The following ATP2C2 variants were observed in gnomAD, a reference collection of about 807,000 sequenced individuals.
ATP2C2 encodes calcium-transporting ATPase type 2C member 2.
A neutral mutation model predicts 110.8 loss-of-function variants in ATP2C2; 171 were observed. That is an observed-to-expected ratio of 1.54 (90% CI 1.36 to 1.75). ATP2C2 has a LOEUF of 1.75. ATP2C2 is among the 40% of genes most tolerant of loss of function. The probability of loss-of-function intolerance (pLI) is 0.00; values close to 1 mark genes in which losing one functional copy is unlikely to be tolerated. For missense variants in ATP2C2, 1,963 were observed against 1,235.0 expected (o/e 1.59, Z -8.84); for synonymous variants, 804 against 508.4 (o/e 1.58, Z -7.82).
At chr16:84,400,166 G>C (rs1459365619) in intron 2 of ATP2C2, among the ~76,000 whole-genome samples, 1 of 152,068 alleles carries the variant, frequency 6.6e-6, no homozygotes, top group African/African-American at 2.4e-5. Flanking sequence ...TCATTTGTCT[G>C]TTGATGGATA....
At chr16:84,376,243 T>A (rs951710756) in intron 1 of ATP2C2, among the ~76,000 whole-genome samples, 1 of 152,120 alleles carries the variant, frequency 6.6e-6, no homozygotes, top group Admixed American at 6.5e-5. Flanking sequence ...AGGTCTCTGG[T>A]TCAAGGAAGG....
Position 84,440,782 on chromosome 16 carries a change from A to G in ATP2C2, c.1210-75A>G. The G allele has an allele frequency of 3.6e-6, 4 of 1,115,292 alleles. No individual in the cohort carries two copies. In the South Asian group the frequency reaches 5.3e-5, roughly 15 times the overall value. The allele number at this position is 1,115,292 out of a possible 1,614,324, so 69.1% of individuals were successfully genotyped here. On this transcript the variant is annotated intron_variant, in intron 13 of 26. Transcript: ENST00000262429. Reference sequence around the variant, plus strand: ...TGTGTCCCTGGAATGGATCCCCAGGACAGAGATTGTGGGCCAACTGGGGGA... The same window carrying G: ...TGTGTCCCTGGAATGGATCCCCAGGGCAGAGATTGTGGGCCAACTGGGGGA...
chr16:84,425,999 G>C lies in ATP2C2; in HGVS notation c.986+198G>C, dbSNP rs180837829. 4.5e-4 allele frequency: 271 copies of C among 604,798 alleles called. 1 individual carries two copies. The highest frequency in any genetic ancestry group is 4.4e-3 in the African/African-American group (237 of 54,346). 37.5% of individuals were successfully genotyped at this position (604,798 alleles called of 1,614,324 possible). On this transcript the variant is annotated intron_variant, in intron 11 of 26. Transcript: ENST00000262429. ...CCCGGCGAATGCTTGCAAAATGAAT[G>C]ACAGCAAATGATCCAGGGTGTCCCT...
At chr16:84,422,088 C>T (rs988942500) in intron 7 of ATP2C2, among the ~76,000 whole-genome samples, 2 of 152,130 alleles carry the variant, frequency 1.3e-5, no homozygotes, top group African/African-American at 2.4e-5. Flanking sequence ...TGGGGACTCA[C>T]ACAGGTGTTT....
chr16:84,459,079 G>C, intron 21 of ATP2C2, 41 bp from the exon 22 acceptor site: 5 of 1,610,146 alleles, frequency 3.1e-6, no homozygotes, highest in Non-Finnish European at 4.2e-6. Flanking sequence ...CAGCCCTCAC[G>C]CAGGCCCGCT....
chr16:84,439,120 A>G (rs746834286), intron 11 of ATP2C2, 46 bp from the exon 12 acceptor site: 6 of 1,605,032 alleles, frequency 3.7e-6, no homozygotes, highest in Non-Finnish European at 5.1e-6. Context: ...AGAGTCACAC[A>G]CTCCTTAAAT....
At chr16:84,377,922 G>A (rs1910342713) in intron 1 of ATP2C2, among the ~76,000 whole-genome samples, 1 of 152,180 alleles carries the variant, frequency 6.6e-6, no homozygotes, top group African/African-American at 2.4e-5. Context: ...CGGGCATGGT[G>A]CCCCACTAGC....
chr16:84,420,532 T>C lies in ATP2C2; in HGVS notation c.625-1858T>C, dbSNP rs111822639. Among the ~76,000 whole-genome samples, 753 of 151,366 alleles carry C rather than the reference T, an allele frequency of 5.0e-3. 5 individuals are homozygous for C. The highest frequency in any genetic ancestry group is 0.017 in the African/African-American group (706 of 41,126). On this transcript the variant is annotated intron_variant, in intron 7 of 26. Transcript: ENST00000262429. The stretch of plus-strand genomic sequence containing the variant: ...GAAATGTTTTAGATTTGTGGGAAAA[T>C]TCAGCTCAGGGTTCCCATCTACCCC...
intron 3 of ATP2C2, 59 bp downstream of exon 3, chr16:84,405,303 G>C (rs1451069279): frequency 1.4e-6 from 2 of 1,429,590 alleles, no homozygotes; most frequent in East Asian, 4.6e-5. Context: ...GGGTGGGGCA[G>C]CCATTCCATC....
rs1567741834 is a variant in ATP2C2, at chr16:84,454,152, C to CA, written c.1981-666_1981-665insA. ...TTCCTTTTACTCAACTCCGTGCCTC[C>CA]GTTTCCTCATCTGTAAAATGGGGGA... is the stretch of plus-strand genomic sequence containing the variant. On this transcript the variant is annotated intron_variant, in intron 20 of 26. Coordinates refer to ENST00000262429, the MANE Select transcript of ATP2C2 (RefSeq NM_014861.4). Among the ~76,000 whole-genome samples the CA allele has an allele frequency of 6.0e-5, 9 of 149,572 alleles. No homozygotes were observed. In the South Asian group the frequency reaches 1.1e-3, roughly 19 times the overall value.
Position 84,410,550 on chromosome 16 carries a change from C to A in ATP2C2, c.418-18C>A, listed in dbSNP as rs1254675563. On this transcript the variant is annotated intron_variant, in intron 4 of 26. Transcript: ENST00000262429. ...ACTGAGCCTCTGGTACTGACACCCT[C>A]CTCCGTTTGCTGTCTAGGCAGTGCT... 1.1e-5 allele frequency: 17 copies of A among 1,613,582 alleles called. No individual in the cohort carries two copies. Among genetic ancestry groups the A allele is most frequent in the Non-Finnish European group, 1.4e-5 (16 of 1,179,766 alleles).
intron 3 of ATP2C2, 40 bp from the exon 4 acceptor site, chr16:84,408,365 A>C: frequency 6.3e-7 from 1 of 1,586,326 alleles, no homozygotes. Flanking sequence ...CTGGTCCCTG[A>C]GACTAAAGAA....
chr16:84,377,993 C>T (rs1013850716), intron 1 of ATP2C2, among the ~76,000 whole-genome samples: 2 of 152,112 alleles, frequency 1.3e-5, no homozygotes, highest in Non-Finnish European at 2.9e-5. Flanking sequence ...GAGAAGAGAG[C>T]TCAGCAGAGG....
chr16:84,417,995 A>T (rs1453868063), intron 7 of ATP2C2, among the ~76,000 whole-genome samples: 1 of 152,216 alleles, frequency 6.6e-6, no homozygotes, highest in Non-Finnish European at 1.5e-5. Context: ...CTTTTTGCAC[A>T]GTATATGGGG....
chr16:84,398,715 A>G (rs1905139519), intron 2 of ATP2C2, 106 bp downstream of exon 2: 3 of 869,378 alleles, frequency 3.5e-6, no homozygotes, highest in Admixed American at 3.2e-5. Context: ...GTTATTATCA[A>G]TTTTATCATC....
chr16:84,384,459 T>C (rs1292286047), intron 1 of ATP2C2, among the ~76,000 whole-genome samples: 1 of 152,238 alleles, frequency 6.6e-6, no homozygotes, highest in Non-Finnish European at 1.5e-5. Flanking sequence ...TACATGGTAT[T>C]GGGAGGCCCA....
intron 1 of ATP2C2, among the ~76,000 whole-genome samples, chr16:84,385,062 AT>A (rs1282685126): frequency 6.6e-6 from 1 of 152,214 alleles, no homozygotes; most frequent in African/African-American, 2.4e-5. Flanking sequence ...AAACACACAC[AT>A]AAAAAGAAGA....
At chr16:84,411,915 TTTTTCTTTTCTTTCTTTCCTTTC>T (rs1410373224) in intron 6 of ATP2C2, among the ~76,000 whole-genome samples, 9 of 152,232 alleles carry the variant, frequency 5.9e-5, no homozygotes, top group South Asian at 4.2e-4. Flanking sequence ...AGCTTTTTCC[TTTTTCTTTTCTTTCTTTCCTTTC>T]TTTTCTTTTC....
At chr16:84,428,655 C>G (rs1907997424) in intron 11 of ATP2C2, among the ~76,000 whole-genome samples, 1 of 152,106 alleles carries the variant, frequency 6.6e-6, no homozygotes, top group South Asian at 2.1e-4. Flanking sequence ...TTGGAAAACC[C>G]CATCCCAGAT....
Sources: gnomAD v4.1 joint callset for allele counts (sites outside exome capture counted in the v4.1 genomes callset) on GRCh38, gnomAD v4.1.1 for gene constraint, MANE v1.5 for transcripts, NCBI Gene and HGNC (gene_info 2026-07-23, HGNC 2026-07-21) for gene names.